FSTL5: variants seen among roughly 807,000 people sequenced by gnomAD.
FSTL5 encodes the protein follistatin like 5, also known as follistatin-related protein 5.
A neutral mutation model predicts 89.1 loss-of-function variants in FSTL5; 62 were observed. The ratio of observed to expected loss-of-function variants is 0.70; its 90% CI spans 0.57 to 0.86. The LOEUF (loss-of-function observed/expected upper bound fraction) is 0.86, where lower values mean the gene tolerates loss of function less well. Among genes scored for constraint, FSTL5 ranks in the 40% least tolerant of loss-of-function variants. The probability of loss-of-function intolerance (pLI) is 0.00; values close to 1 mark genes in which losing one functional copy is unlikely to be tolerated. For missense variants in FSTL5, 1,057 were observed against 1,001.6 expected (o/e 1.06, Z -0.75); for synonymous variants, 383 against 346.2 (o/e 1.11, Z -1.18).
intron 2 of FSTL5, among the ~76,000 whole-genome samples, chr4:162,041,578 C>T (rs1264922788): frequency 6.6e-6 from 1 of 152,056 alleles, no homozygotes; most frequent in Non-Finnish European, 1.5e-5. Flanking sequence ...TGAAGTTATT[C>T]ATTCCAATGC....
chr4:161,731,539 C>G (rs1329750991), intron 6 of FSTL5, among the ~76,000 whole-genome samples: 2 of 151,936 alleles, frequency 1.3e-5, no homozygotes, highest in African/African-American at 4.8e-5. Flanking sequence ...TTCACCTTTA[C>G]TATGATTGTA....
intron 5 of FSTL5, among the ~76,000 whole-genome samples, chr4:161,775,294 G>C (rs894587638): frequency 2.0e-5 from 3 of 152,018 alleles, no homozygotes; most frequent in African/African-American, 7.2e-5. Context: ...GCCTAATTGG[G>C]CTTCTTCTCT....
At chr4:161,603,715 A>C (rs1032062544) in intron 7 of FSTL5, among the ~76,000 whole-genome samples, 3 of 152,202 alleles carry the variant, frequency 2.0e-5, no homozygotes, top group African/African-American at 7.2e-5. Context: ...CATGACATGG[A>C]TGAGAGCAGA....
chr4:161,419,838 G>A (rs1731920661), intron 15 of FSTL5, among the ~76,000 whole-genome samples: 1 of 152,178 alleles, frequency 6.6e-6, no homozygotes, highest in African/African-American at 2.4e-5. Context: ...GCAACTTTAT[G>A]TTCTGCTGGC....
chr4:161,450,918 G>A (rs930153630), intron 15 of FSTL5, among the ~76,000 whole-genome samples: 11 of 151,600 alleles, frequency 7.3e-5, no homozygotes, highest in African/African-American at 2.7e-4. Context: ...TAATTTTTAT[G>A]CATTTTCAGT....
At chr4:161,890,710 G>C (rs1435025701) in intron 4 of FSTL5, among the ~76,000 whole-genome samples, 2 of 150,144 alleles carry the variant, frequency 1.3e-5, no homozygotes, top group African/African-American at 4.9e-5. Context: ...AAAAAAACAG[G>C]GTCTATTCTC....
At position 162,119,553 on chromosome 4, in the gene FSTL5, A is replaced by T. The variant is rs569002364; in HGVS notation, c.-16-8141T>A. On this transcript the variant is annotated intron_variant, in intron 1 of 15. Transcript: ENST00000306100. Reference sequence around the variant, plus strand: ...TATGCTTTAAATTGGGACAAAAATTATACCCATTTATGGGGTACATTTTTA... The same window carrying T: ...TATGCTTTAAATTGGGACAAAAATTTTACCCATTTATGGGGTACATTTTTA... Among the ~76,000 whole-genome samples the T allele has an allele frequency of 9.8e-5, 15 of 152,380 alleles. No individual in the cohort carries two copies. The East Asian group carries it at 2.9e-3, about 29-fold the overall frequency.
chr4:162,143,174 TC>T (rs5863520), intron 1 of FSTL5, among the ~76,000 whole-genome samples: 35,227 of 151,810 alleles, frequency 0.23, 4,292 homozygotes, highest in Non-Finnish European at 0.25. Flanking sequence ...CTATTTTTTT[TC>T]CATAATTAGC....
At chr4:161,804,074 G>A (rs763079629) in intron 4 of FSTL5, among the ~76,000 whole-genome samples, 1 of 151,880 alleles carries the variant, frequency 6.6e-6, no homozygotes, top group African/African-American at 2.4e-5. Flanking sequence ...GTTCTTACAC[G>A]TGGCACATCT....
At chr4:161,564,120 T>G (rs1387374041) in intron 8 of FSTL5, among the ~76,000 whole-genome samples, 1 of 151,792 alleles carries the variant, frequency 6.6e-6, no homozygotes, top group African/African-American at 2.4e-5. Context: ...GTATTCAAAT[T>G]TACATTATTC....
At chr4:161,959,623 T>G (rs1735116367) in intron 3 of FSTL5, among the ~76,000 whole-genome samples, 1 of 152,084 alleles carries the variant, frequency 6.6e-6, no homozygotes, top group Non-Finnish European at 1.5e-5. Flanking sequence ...TTAAACTACA[T>G]GAATGAAAAG....
At chr4:161,398,863 T>C (rs1029107631) in intron 15 of FSTL5, among the ~76,000 whole-genome samples, 1 of 152,106 alleles carries the variant, frequency 6.6e-6, no homozygotes, top group African/African-American at 2.4e-5. Context: ...AATAAAGCTT[T>C]ATGCATGAAT....
At chr4:162,119,883 T>C (rs957332213) in intron 1 of FSTL5, among the ~76,000 whole-genome samples, 1 of 152,168 alleles carries the variant, frequency 6.6e-6, no homozygotes, top group Admixed American at 6.6e-5. Flanking sequence ...ATTTGTCTTA[T>C]TGGTCCATAC....
intron 4 of FSTL5, among the ~76,000 whole-genome samples, chr4:161,806,823 G>T (rs1729981729): frequency 6.6e-6 from 1 of 152,008 alleles, no homozygotes; most frequent in Non-Finnish European, 1.5e-5. Context: ...GATAAAGAGA[G>T]TCTGACAGGT....
At chr4:162,128,538 T>A (rs190413918) in intron 1 of FSTL5, among the ~76,000 whole-genome samples, 5 of 152,234 alleles carry the variant, frequency 3.3e-5, no homozygotes, top group South Asian at 2.1e-4. Flanking sequence ...AGACAACAGA[T>A]CTGCATTAAT....
chr4:161,398,133 A>G (rs1731067142), intron 15 of FSTL5, among the ~76,000 whole-genome samples: 2 of 152,072 alleles, frequency 1.3e-5, no homozygotes, highest in African/African-American at 4.8e-5. Flanking sequence ...CTCTGCTTTA[A>G]TAAAGCAATA....
chr4:161,695,601 C>T (rs545869834), intron 6 of FSTL5, among the ~76,000 whole-genome samples: 3 of 152,168 alleles, frequency 2.0e-5, no homozygotes, highest in South Asian at 4.1e-4. Context: ...GTATCATTTT[C>T]GTGTAATGAC....
At chr4:161,764,599 AT>A (rs1740925503) in intron 5 of FSTL5, among the ~76,000 whole-genome samples, 1 of 151,808 alleles carries the variant, frequency 6.6e-6, no homozygotes, top group Non-Finnish European at 1.5e-5. Flanking sequence ...AAATAATTAC[AT>A]TTTCTTTTAG....
intron 15 of FSTL5, among the ~76,000 whole-genome samples, chr4:161,444,947 CAG>C (rs369221635): frequency 2.0e-5 from 3 of 151,838 alleles, no homozygotes; most frequent in African/African-American, 7.3e-5. Flanking sequence ...TTAAATGAGA[CAG>C]AGCATAAAAA....
Sources: allele counts gnomAD v4.1 joint callset (sites outside exome capture counted in the v4.1 genomes callset), GRCh38; gene constraint gnomAD v4.1.1; transcripts MANE v1.5; gene names NCBI Gene and HGNC (gene_info 2026-07-23, HGNC 2026-07-21).